SPTLC3: variants seen among roughly 807,000 people sequenced by gnomAD.
The protein encoded by SPTLC3 is serine palmitoyltransferase long chain base subunit 3, also known as serine palmitoyltransferase 3.
In SPTLC3, 36 loss-of-function variants were observed where a neutral mutation model predicts 59.3. The ratio of observed to expected loss-of-function variants is 0.61; its 90% CI spans 0.47 to 0.80. SPTLC3 has a LOEUF of 0.80. SPTLC3 is among the 30% of genes least tolerant of loss of function. The pLI, the probability that SPTLC3 is intolerant of heterozygous loss-of-function variation, is 0.00. For missense variants in SPTLC3, 625 were observed against 685.1 expected, an observed-to-expected ratio of 0.91 and a Z score of 0.98; for synonymous variants, 257 against 240.8, an observed-to-expected ratio of 1.07 and a Z score of -0.62.
At chr20:13,086,197 T>A (rs1279514724) in intron 4 of SPTLC3, among the ~76,000 whole-genome samples, 1 of 152,252 alleles carries the variant, frequency 6.6e-6, no homozygotes, top group Non-Finnish European at 1.5e-5. Flanking sequence ...CACCACCAAC[T>A]GCAAGTTGAC....
chr20:13,065,250 T>G lies in SPTLC3; in HGVS notation c.304-7006T>G, dbSNP rs189344927. Among the ~76,000 whole-genome samples, 16 of 145,166 alleles carry G rather than the reference T, an allele frequency of 1.1e-4. No homozygotes were observed. In the East Asian group the frequency reaches 3.0e-3, roughly 27 times the overall value. On this transcript the variant is annotated intron_variant, in intron 2 of 11. Coordinates refer to ENST00000399002, the MANE Select transcript of SPTLC3 (RefSeq NM_018327.4). ...GTATATTAATGCCTTTCACTGTGATTGTAAATTTGTTAGAGTTTTTTTTTT... is the reference window on the plus strand; with the variant it reads ...GTATATTAATGCCTTTCACTGTGATGGTAAATTTGTTAGAGTTTTTTTTTT...
intron 9 of SPTLC3, 43 bp from the exon 10 acceptor site, chr20:13,153,960 T>C (rs951452361): frequency 1.2e-6 from 2 of 1,605,852 alleles, no homozygotes; most frequent in Non-Finnish European, 1.7e-6. Flanking sequence ...TACTTCCCTC[T>C]TTCTAGTGGG....
intron 1 of SPTLC3, among the ~76,000 whole-genome samples, chr20:13,009,593 G>A (rs1398053740): frequency 1.3e-5 from 2 of 152,180 alleles, no homozygotes; most frequent in African/African-American, 4.8e-5. Context: ...TGCAAAAGAG[G>A]ATACACACAG....
intron 1 of SPTLC3, among the ~76,000 whole-genome samples, chr20:13,042,163 C>A (rs1450099036): frequency 6.6e-6 from 1 of 152,228 alleles, no homozygotes; most frequent in African/African-American, 2.4e-5. Context: ...GGCTGAACTA[C>A]CTACATGAAG....
intron 1 of SPTLC3, 44 bp from the exon 2 acceptor site, chr20:13,048,901 G>A: frequency 6.6e-7 from 1 of 1,504,308 alleles, no homozygotes; most frequent in African/African-American, 1.4e-5. Context: ...TAGTATATCT[G>A]TAACAGGAGA....
At chr20:13,136,378 C>A (rs1011598372) in intron 9 of SPTLC3, among the ~76,000 whole-genome samples, 1 of 151,990 alleles carries the variant, frequency 6.6e-6, no homozygotes, top group Admixed American at 6.6e-5. Flanking sequence ...AGGTGGATCA[C>A]CCGAGCTCAG....
intron 4 of SPTLC3, among the ~76,000 whole-genome samples, chr20:13,083,171 T>G (rs1318569761): frequency 3.9e-5 from 6 of 152,192 alleles, no homozygotes; most frequent in Non-Finnish European, 7.4e-5. Context: ...AGCCCAGGGT[T>G]GAAAAGACTT....
chr20:13,042,472 T>C (rs1307414067), intron 1 of SPTLC3, among the ~76,000 whole-genome samples: 3 of 152,162 alleles, frequency 2.0e-5, no homozygotes, highest in South Asian at 4.1e-4. Flanking sequence ...GTAAGGGTAA[T>C]TGGGGCCCCA....
chr20:13,038,897 T>A (rs1986853276), intron 1 of SPTLC3, among the ~76,000 whole-genome samples: 1 of 151,944 alleles, frequency 6.6e-6, no homozygotes, highest in East Asian at 1.9e-4. Context: ...CTTCTTTGAC[T>A]CATTTACTAT....
chr20:13,094,442 T>C (rs80308062), intron 6 of SPTLC3, among the ~76,000 whole-genome samples: 10,559 of 152,162 alleles, frequency 0.069, 388 homozygotes, highest in South Asian at 0.1. Flanking sequence ...CACACAAATT[T>C]GTTTTCTCTT....
chr20:13,125,559 T>C lies in SPTLC3; in HGVS notation c.1153-1032T>C, dbSNP rs889887983. Among the ~76,000 whole-genome samples the C allele has an allele frequency of 5.9e-5, 9 of 152,330 alleles. No homozygotes were observed. The East Asian group carries it at 1.7e-3, about 29-fold the overall frequency. On this transcript the variant is annotated intron_variant, in intron 8 of 11. Transcript: ENST00000399002. ...AACTCTGCCCATCAACAATGTGGGC[T>C]GGGCTCAGCTAAGGAGTTCTTTTGG...
intron 1 of SPTLC3, among the ~76,000 whole-genome samples, chr20:13,046,447 T>C (rs142178676): frequency 1.3e-5 from 2 of 152,346 alleles, no homozygotes; most frequent in Non-Finnish European, 1.5e-5. Flanking sequence ...GATAGTTTTC[T>C]TTTTCCTCTT....
intron 1 of SPTLC3, among the ~76,000 whole-genome samples, chr20:13,035,569 A>G (rs1388121013): frequency 6.6e-6 from 1 of 152,178 alleles, no homozygotes; most frequent in Non-Finnish European, 1.5e-5. Context: ...GCTGTGTCCA[A>G]ATAAACGTAT....
intron 1 of SPTLC3, among the ~76,000 whole-genome samples, chr20:13,017,403 A>G (rs889387353): frequency 6.6e-6 from 1 of 152,128 alleles, no homozygotes; most frequent in Non-Finnish European, 1.5e-5. Flanking sequence ...AGCTTGAGAG[A>G]TAGTCTGGCT....
intron 1 of SPTLC3, among the ~76,000 whole-genome samples, chr20:13,039,234 T>A (rs1208381478): frequency 1.3e-5 from 2 of 150,726 alleles, no homozygotes; most frequent in African/African-American, 5.0e-5. Context: ...AAGACTCTAA[T>A]ATTATTATGA....
intron 7 of SPTLC3, among the ~76,000 whole-genome samples, chr20:13,115,204 T>C (rs891517516): frequency 3.9e-5 from 6 of 152,170 alleles, no homozygotes; most frequent in African/African-American, 1.4e-4. Flanking sequence ...AGACTCAATA[T>C]CCCACTGTGG....
chr20:13,117,382 A>C, intron 7 of SPTLC3, 124 bp from the exon 8 acceptor site: 1 of 898,752 alleles, frequency 1.1e-6, no homozygotes, highest in Non-Finnish European at 1.6e-6. Flanking sequence ...CAAATAAAAC[A>C]TGCCTTCAGA....
At chr20:13,028,790 A>G (rs907693680) in intron 1 of SPTLC3, among the ~76,000 whole-genome samples, 3 of 152,188 alleles carry the variant, frequency 2.0e-5, no homozygotes, top group African/African-American at 7.2e-5. Context: ...TTAAGGCTGA[A>G]TTATTTATGC....
At chr20:13,144,004 A>G (rs562644265) in intron 9 of SPTLC3, among the ~76,000 whole-genome samples, 14 of 152,238 alleles carry the variant, frequency 9.2e-5, no homozygotes, top group Admixed American at 7.8e-4. Flanking sequence ...CCCTCAGAGC[A>G]TGTCATGTTT....
Sources: allele counts gnomAD v4.1 joint callset (sites outside exome capture counted in the v4.1 genomes callset), GRCh38; gene constraint gnomAD v4.1.1; transcripts MANE v1.5; gene names NCBI Gene and HGNC (gene_info 2026-07-23, HGNC 2026-07-21).